The following BTBD9 variants were observed in gnomAD, a reference collection of about 807,000 sequenced individuals.
BTBD9 encodes the protein BTB domain containing 9, also known as BTB/POZ domain-containing protein 9.
BTBD9 carries 49 observed loss-of-function variants against 64.3 expected under a neutral mutation model. The ratio of observed to expected loss-of-function variants is 0.76; its 90% confidence interval spans 0.61 to 0.97. The LOEUF (loss-of-function observed/expected upper bound fraction) is 0.97, where lower values mean the gene tolerates loss of function less well. Among genes scored for constraint, BTBD9 ranks in the 50% least tolerant of loss-of-function variants. BTBD9 has a pLI of 0.00. For missense variants in BTBD9, 598 were observed against 762.1 expected (o/e 0.78, Z 2.53); for synonymous variants, 260 against 274.7 (o/e 0.95, Z 0.53).
Position 38,447,022 on chromosome 6 carries a change from T to A in BTBD9, c.1155-101929A>T, listed in dbSNP as rs191925768. ...AAAATCAGTACTAATAATTCTTCAG[T>A]GCAACATTCATATTTTTCTTCTTTA... On this transcript the variant is annotated intron_variant, in intron 6 of 10. Coordinates refer to ENST00000481247, the MANE Select transcript of BTBD9 (RefSeq NM_001099272.2). Among the ~76,000 whole-genome samples the A allele has an allele frequency of 2.0e-5, 3 of 152,376 alleles. No homozygotes were observed. The East Asian group carries it at 5.8e-4, about 29-fold the overall frequency.
intron 2 of BTBD9, among the ~76,000 whole-genome samples, chr6:38,597,080 T>C (rs779137881): frequency 1.4e-4 from 22 of 152,202 alleles, no homozygotes; most frequent in Non-Finnish European, 2.6e-4. Context: ...TGAAAAACCA[T>C]AGGAGCTCTA....
chr6:38,302,528 A>G (rs1268008376), intron 7 of BTBD9, among the ~76,000 whole-genome samples: 1 of 89,302 alleles, frequency 1.1e-5, no homozygotes, highest in Non-Finnish European at 2.4e-5. Flanking sequence ...TATATATCAC[A>G]TTCTCTTTAT....
At chr6:38,187,469 G>C (rs569391366) in intron 10 of BTBD9, among the ~76,000 whole-genome samples, 2 of 152,188 alleles carry the variant, frequency 1.3e-5, no homozygotes. Context: ...AAGACACACC[G>C]ACATCTGTCT....
intron 6 of BTBD9, among the ~76,000 whole-genome samples, chr6:38,465,882 G>C (rs1248732673): frequency 1.6e-5 from 2 of 128,338 alleles, no homozygotes; most frequent in Non-Finnish European, 3.2e-5. Flanking sequence ...CCAGGCCAGA[G>C]TGCCGTGGTA....
At chr6:38,307,276 C>A (rs1762661229) in intron 7 of BTBD9, among the ~76,000 whole-genome samples, 1 of 152,164 alleles carries the variant, frequency 6.6e-6, no homozygotes, top group South Asian at 2.1e-4. Context: ...AGAACAAGCC[C>A]ATCTTTCTTG....
chr6:38,234,746 C>T (rs1217730976), intron 9 of BTBD9, among the ~76,000 whole-genome samples: 1 of 152,202 alleles, frequency 6.6e-6, no homozygotes, highest in East Asian at 1.9e-4. Flanking sequence ...GGCTAATCGG[C>T]GGCAGAACCA....
chr6:38,455,450 G>GT (rs1769752742), intron 6 of BTBD9, among the ~76,000 whole-genome samples: 1 of 152,118 alleles, frequency 6.6e-6, no homozygotes, highest in African/African-American at 2.4e-5. Context: ...GATTACAGGC[G>GT]TAAGCCACCG....
At chr6:38,524,721 A>T (rs1022295776) in intron 6 of BTBD9, among the ~76,000 whole-genome samples, 1 of 152,196 alleles carries the variant, frequency 6.6e-6, no homozygotes, top group Non-Finnish European at 1.5e-5. Flanking sequence ...TAACAAATTC[A>T]GTCACTTCTT....
At chr6:38,264,965 C>T (rs1764921136) in intron 8 of BTBD9, among the ~76,000 whole-genome samples, 1 of 152,100 alleles carries the variant, frequency 6.6e-6, no homozygotes, top group African/African-American at 2.4e-5. Context: ...GGCTGCTCAT[C>T]AGATGGAATG....
chr6:38,598,808 T>C (rs959454294), intron 1 of BTBD9, among the ~76,000 whole-genome samples: 2 of 151,962 alleles, frequency 1.3e-5, no homozygotes, highest in African/African-American at 4.8e-5. Context: ...TCCCAGCTAC[T>C]CCGGAGGCTG....
intron 4 of BTBD9, chr6:38,588,448 A>G: frequency 1.2e-6 from 1 of 809,950 alleles, no homozygotes; most frequent in Non-Finnish European, 2.1e-6. Context: ...AAGTAGCATG[A>G]CCCCTCCTCC....
intron 6 of BTBD9, among the ~76,000 whole-genome samples, chr6:38,452,926 C>G (rs556183490): frequency 1.3e-5 from 2 of 152,128 alleles, no homozygotes; most frequent in Non-Finnish European, 2.9e-5. Context: ...AAACACAGAT[C>G]TCTGACTGGA....
chr6:38,465,994 C>A (rs189480169), intron 6 of BTBD9, among the ~76,000 whole-genome samples: 105 of 150,810 alleles, frequency 7.0e-4, no homozygotes, highest in African/African-American at 2.5e-3. Flanking sequence ...TCATGCCCAG[C>A]TAAGATGGGG....
intron 7 of BTBD9, among the ~76,000 whole-genome samples, chr6:38,331,494 G>T (rs1004949368): frequency 3.3e-5 from 5 of 151,936 alleles, no homozygotes; most frequent in African/African-American, 1.2e-4. Flanking sequence ...AAAAAAAGAG[G>T]GGGGGCCAAG....
At chr6:38,193,814 GT>G (rs1399019967) in intron 9 of BTBD9, 30 of 985,248 alleles carry the variant, frequency 3.0e-5, no homozygotes, top group Non-Finnish European at 3.6e-5. Context: ...TTTGCAGTTT[GT>G]TTTTCCCCCT....
At position 38,238,031 on chromosome 6, in the gene BTBD9, G is replaced by C. The variant is rs554120333; in HGVS notation, c.1562+18378C>G. Among the ~76,000 whole-genome samples the C allele has an allele frequency of 3.9e-5, 6 of 152,340 alleles. No individual in the cohort carries two copies. In the East Asian group the frequency reaches 1.2e-3, roughly 29 times the overall value. ...GTGGTGGCATGTGCCTATAGTCCCA[G>C]CTACCTGGGAGATGGAAGCAGGAGG... On this transcript the variant is annotated intron_variant, in intron 9 of 10. Coordinates refer to ENST00000481247, the MANE Select transcript of BTBD9 (RefSeq NM_001099272.2).
At chr6:38,208,082 A>G (rs566286709) in intron 9 of BTBD9, among the ~76,000 whole-genome samples, 7 of 152,192 alleles carry the variant, frequency 4.6e-5, no homozygotes, top group Non-Finnish European at 1.0e-4. Flanking sequence ...ATGTATTTAC[A>G]GCCTTTGGGA....
At chr6:38,356,473 A>G (rs1032295612) in intron 6 of BTBD9, among the ~76,000 whole-genome samples, 13 of 151,888 alleles carry the variant, frequency 8.6e-5, no homozygotes, top group African/African-American at 3.1e-4. Flanking sequence ...TGAGTTTTCC[A>G]TTTTTCCTTT....
chr6:38,442,356 C>T (rs149842358), intron 6 of BTBD9, among the ~76,000 whole-genome samples: 69 of 152,078 alleles, frequency 4.5e-4, no homozygotes, highest in African/African-American at 1.5e-3. Context: ...CATGGTGGTG[C>T]CTGCCTGTAG....
Sources: allele counts gnomAD v4.1 joint callset (sites outside exome capture counted in the v4.1 genomes callset), GRCh38; gene constraint gnomAD v4.1.1; transcripts MANE v1.5; gene names NCBI Gene and HGNC (gene_info 2026-07-23, HGNC 2026-07-21).